The following PIR variants were observed in gnomAD, a reference collection of about 807,000 sequenced individuals.
The protein encoded by PIR is pirin (iron-binding nuclear protein).
Under a neutral mutation model 24.2 loss-of-function variants are expected in PIR, and 22 were observed. The ratio of observed to expected loss-of-function variants is 0.91; its 90% CI spans 0.65 to 1.30. The LOEUF (loss-of-function observed/expected upper bound fraction) is 1.30, where lower values mean the gene tolerates loss of function less well. PIR is among the 50% of genes most tolerant of loss of function. The probability of loss-of-function intolerance (pLI) is 0.00; values close to 1 mark genes in which losing one functional copy is unlikely to be tolerated. For missense variants in PIR, 220 were observed against 220.3 expected (o/e 1.00, Z 0.01); for synonymous variants, 80 against 79.6 (o/e 1.00, Z -0.03).
intron 5 of PIR, among the ~76,000 whole-genome samples, chrX:15,449,792 A>T (rs1926223475): frequency 8.9e-6 from 1 of 112,386 alleles, no homozygotes; most frequent in Non-Finnish European, 1.9e-5. Flanking sequence ...TTAACTTGTT[A>T]TGAAATTATA....
At chrX:15,410,802 T>C (rs1924719260) in intron 6 of PIR, among the ~76,000 whole-genome samples, 1 of 112,346 alleles carries the variant, frequency 8.9e-6, no homozygotes, top group African/African-American at 3.2e-5. Flanking sequence ...TTAGAGGGCA[T>C]GGAATAGAAA....
intron 9 of PIR, among the ~76,000 whole-genome samples, chrX:15,388,987 T>C (rs1408742657): frequency 8.9e-6 from 1 of 111,960 alleles, no homozygotes; most frequent in Non-Finnish European, 1.9e-5. Flanking sequence ...TCCAAGCCAC[T>C]GGGAGAGGAT....
At chrX:15,396,909 T>G (rs1199144978) in intron 8 of PIR, among the ~76,000 whole-genome samples, 6 of 110,890 alleles carry the variant, frequency 5.4e-5, no homozygotes, top group Non-Finnish European at 9.4e-5. Context: ...TCCGGCTAAT[T>G]TTTTGTATTT....
At chrX:15,449,854 C>T (rs1926225204) in intron 5 of PIR, among the ~76,000 whole-genome samples, 1 of 111,593 alleles carries the variant, frequency 9.0e-6, no homozygotes, top group African/African-American at 3.3e-5. Flanking sequence ...ATATTTTTTG[C>T]TGTTCTTTTT....
chrX:15,487,599 G>A (rs1050726837), intron 2 of PIR, among the ~76,000 whole-genome samples: 6 of 112,108 alleles, frequency 5.4e-5, no homozygotes, highest in Non-Finnish European at 7.5e-5. Flanking sequence ...ACATTACACC[G>A]AGGAGTGTCT....
intron 3 of PIR, among the ~76,000 whole-genome samples, chrX:15,464,734 A>G (rs755184845): frequency 8.9e-6 from 1 of 112,546 alleles, no homozygotes; most frequent in Non-Finnish European, 1.9e-5. Flanking sequence ...GCCAAACTAT[A>G]AGGAGTGGTG....
At chrX:15,445,386 G>C (rs73451215) in intron 5 of PIR, among the ~76,000 whole-genome samples, 3 of 110,796 alleles carry the variant, frequency 2.7e-5, no homozygotes, top group African/African-American at 9.9e-5. Flanking sequence ...GGCCAGTCGG[G>C]GGGTGGGGTT....
chrX:15,387,073 C>T (rs12012255), intron 9 of PIR, among the ~76,000 whole-genome samples: 1,476 of 12,721 alleles, frequency 0.12, 180 homozygotes, highest in South Asian at 0.22. Flanking sequence ...CTTTTCTTTT[C>T]TTTTTTTTTT....
chrX:15,432,208 T>G (rs1298847826), intron 5 of PIR, among the ~76,000 whole-genome samples: 2 of 111,859 alleles, frequency 1.8e-5, no homozygotes, highest in Non-Finnish European at 3.8e-5. Flanking sequence ...ATTTATCAAT[T>G]AATTTCCTCA....
At chrX:15,424,685 G>A (rs1325627238) in intron 6 of PIR, among the ~76,000 whole-genome samples, 1 of 111,833 alleles carries the variant, frequency 8.9e-6, no homozygotes, top group Non-Finnish European at 1.9e-5. Flanking sequence ...TACATCTATT[G>A]TGTTAATTAA....
At chrX:15,400,633 C>A (rs1372887818) in intron 7 of PIR, among the ~76,000 whole-genome samples, 2 of 111,403 alleles carry the variant, frequency 1.8e-5, no homozygotes, top group South Asian at 7.6e-4. Flanking sequence ...GGGGCTCTAA[C>A]TCTAATTGTA....
At chrX:15,416,220 C>A (rs896859304) in intron 6 of PIR, among the ~76,000 whole-genome samples, 5 of 111,821 alleles carry the variant, frequency 4.5e-5, no homozygotes, top group African/African-American at 1.6e-4. Flanking sequence ...ATGAAGGGAA[C>A]TGTGATTGAA....
chrX:15,470,596 CTTTCTTTTT>C (rs1411569854), intron 3 of PIR, among the ~76,000 whole-genome samples: 5 of 77,715 alleles, frequency 6.4e-5, no homozygotes, highest in Non-Finnish European at 1.3e-4. Context: ...TTCTTTCTTT[CTTTCTTTTT>C]TTTTTTTTTT....
chrX:15,397,678 T>G, intron 7 of PIR, 147 bp from the exon 8 acceptor site: 2 of 425,785 alleles, frequency 4.7e-6, no homozygotes. Flanking sequence ...TCTTGGTTAA[T>G]TATATTTGCT....
intron 4 of PIR, among the ~76,000 whole-genome samples, 164 bp from the exon 5 acceptor site, chrX:15,456,218 C>T (rs1026403370): frequency 8.9e-6 from 1 of 112,439 alleles, no homozygotes; most frequent in African/African-American, 3.2e-5. Context: ...ATTGCTGGGG[C>T]CCTTTCCAGT....
chrX:15,407,107 G>A (rs1364065599), intron 7 of PIR, among the ~76,000 whole-genome samples: 1 of 112,395 alleles, frequency 8.9e-6, no homozygotes, highest in East Asian at 2.8e-4. Context: ...TTTTCTCAGA[G>A]GAAACTAGCA....
intron 5 of PIR, among the ~76,000 whole-genome samples, chrX:15,430,954 C>T (rs1192787741): frequency 1.8e-5 from 2 of 112,002 alleles, no homozygotes; most frequent in Non-Finnish European, 3.8e-5. Flanking sequence ...TTGACTCTCC[C>T]TAAAAGCAAG....
chrX:15,476,445 ATTAG>A (rs1922196665), intron 3 of PIR, among the ~76,000 whole-genome samples: 1 of 111,766 alleles, frequency 8.9e-6, no homozygotes, highest in African/African-American at 3.2e-5. Flanking sequence ...GCATGCTTAT[ATTAG>A]TTATTCTATC....
intron 5 of PIR, among the ~76,000 whole-genome samples, chrX:15,438,784 T>C (rs1260262467): frequency 9.0e-6 from 1 of 110,832 alleles, no homozygotes; most frequent in Non-Finnish European, 1.9e-5. Flanking sequence ...AGCTCCAGAG[T>C]CTGGGCTTGA....
Sources: gnomAD v4.1 joint callset for allele counts (sites outside exome capture counted in the v4.1 genomes callset) on GRCh38, gnomAD v4.1.1 for gene constraint, MANE v1.5 for transcripts, NCBI Gene and HGNC (gene_info 2026-07-23, HGNC 2026-07-21) for gene names.